LDB3: variants seen among roughly 807,000 people sequenced by gnomAD.
The protein encoded by LDB3 is LIM domain binding 3.
Under a neutral mutation model 69.0 loss-of-function variants are expected in LDB3, and 49 were observed. That is an observed-to-expected ratio of 0.71 (90% CI 0.56 to 0.90). The LOEUF (loss-of-function observed/expected upper bound fraction) is 0.90, where lower values mean the gene tolerates loss of function less well. Among genes scored for constraint, LDB3 ranks in the 40% least tolerant of loss-of-function variants. The probability of loss-of-function intolerance (pLI) is 0.00; values close to 1 mark genes in which losing one functional copy is unlikely to be tolerated. For missense variants in LDB3, 928 were observed against 974.1 expected (o/e 0.95, Z 0.63); for synonymous variants, 387 against 396.2 (o/e 0.98, Z 0.28).
At chr10:86,711,251 C>A (rs1428374552) in intron 9 of LDB3, among the ~76,000 whole-genome samples, 1 of 152,134 alleles carries the variant, frequency 6.6e-6, no homozygotes, top group Non-Finnish European at 1.5e-5. Context: ...CGGCTGTCTT[C>A]GCCCAGCCCG....
intron 8 of LDB3, among the ~76,000 whole-genome samples, chr10:86,708,606 C>T (rs531937532): frequency 1.3e-5 from 2 of 152,286 alleles, no homozygotes; most frequent in South Asian, 4.1e-4. Flanking sequence ...CATGGAGACC[C>T]CTACTCTGCT....
chr10:86,686,806 C>A (rs1446774168), intron 5 of LDB3, among the ~76,000 whole-genome samples: 42 of 133,134 alleles, frequency 3.2e-4, no homozygotes, highest in East Asian at 4.4e-4. Context: ...GACCCTGTAT[C>A]AAAAAAAAAA....
At chr10:86,671,614 C>T (rs1193500871) in intron 2 of LDB3, among the ~76,000 whole-genome samples, 1 of 152,190 alleles carries the variant, frequency 6.6e-6, no homozygotes, top group Non-Finnish European at 1.5e-5. Context: ...GAAGGGGGAG[C>T]AGCCCAGAGA....
intron 8 of LDB3, among the ~76,000 whole-genome samples, chr10:86,708,538 G>C (rs887840899): frequency 3.3e-5 from 5 of 152,116 alleles, no homozygotes; most frequent in African/African-American, 1.2e-4. Context: ...ACTGCACCTT[G>C]GCCCGCCCCC....
intron 5 of LDB3, among the ~76,000 whole-genome samples, chr10:86,685,320 A>T (rs1589631123): frequency 6.6e-6 from 1 of 152,008 alleles, no homozygotes; most frequent in Non-Finnish European, 1.5e-5. Flanking sequence ...TCCTGTCTCC[A>T]CCCCTAGCTT....
chr10:86,707,378 G>GA (rs780373949), intron 8 of LDB3, among the ~76,000 whole-genome samples: 10 of 151,968 alleles, frequency 6.6e-5, no homozygotes, highest in Non-Finnish European at 1.5e-4. Flanking sequence ...AATTATGATA[G>GA]AAAAAATGTC....
intron 12 of LDB3, among the ~76,000 whole-genome samples, chr10:86,725,776 T>C (rs1286614933): frequency 6.6e-6 from 1 of 152,186 alleles, no homozygotes; most frequent in African/African-American, 2.4e-5. Flanking sequence ...TCTTCCAAAC[T>C]AAGCATAGAT....
Position 86,735,052 on chromosome 10 carries a change from T to TACACACACAC in LDB3, c.*2115_*2124dup, listed in dbSNP as rs56209295. On this transcript the variant is annotated 3_prime_UTR_variant, in exon 14 of 14. Transcript: ENST00000361373. The stretch of plus-strand genomic sequence containing the variant: ...TTCCAAAATCTCTTTTTAAAGGGTT[T>TACACACACAC]ACACACACACACACACACACACACA... 10 of 112,392 alleles carry TACACACACAC rather than the reference T, an allele frequency of 8.9e-5. No homozygotes were observed. The highest frequency in any genetic ancestry group is 2.5e-4 in the East Asian group (1 of 4,032). The allele number at this position is 112,392 out of a possible 1,614,324, so 7.0% of individuals were successfully genotyped here. A position where few individuals can be genotyped will look rare whatever the true frequency, so the allele number is the denominator to read the frequency against.
rs180840025 is a variant in LDB3, at chr10:86,704,558, C to T, written c.897-1973C>T. Reference sequence around the variant, plus strand: ...CCGAGTAGCTGGGATTACAGGCATGCGCCACCACGCCCAGCTAAATTTTTT... The same window carrying T: ...CCGAGTAGCTGGGATTACAGGCATGTGCCACCACGCCCAGCTAAATTTTTT... On this transcript the variant is annotated intron_variant, in intron 7 of 13. Coordinates refer to ENST00000361373, the MANE Select transcript of LDB3 (RefSeq NM_007078.3). Among the ~76,000 whole-genome samples the T allele has an allele frequency of 2.0e-3, 295 of 149,608 alleles. 2 individuals carry two copies. Among genetic ancestry groups the T allele is most frequent in the Middle Eastern group, 7.0e-3 (2 of 284 alleles).
At chr10:86,704,724 A>G (rs1342475740) in intron 7 of LDB3, among the ~76,000 whole-genome samples, 2 of 152,010 alleles carry the variant, frequency 1.3e-5, no homozygotes, top group Non-Finnish European at 2.9e-5. Flanking sequence ...GACTACAGGC[A>G]CCCACCACCA....
intron 10 of LDB3, among the ~76,000 whole-genome samples, chr10:86,717,093 A>G (rs6586026): frequency 0.32 from 48,714 of 152,072 alleles, 9,114 homozygotes; most frequent in East Asian, 0.66. Context: ...GTAGGTTTAC[A>G]GGGCATTTTG....
At chr10:86,689,906 G>C (rs1381752692) in intron 5 of LDB3, among the ~76,000 whole-genome samples, 3 of 152,246 alleles carry the variant, frequency 2.0e-5, no homozygotes, top group African/African-American at 7.2e-5. Context: ...AAGGACTGCA[G>C]GACCTGTTCC....
intron 2 of LDB3, among the ~76,000 whole-genome samples, chr10:86,674,265 C>A (rs929963692): frequency 6.6e-6 from 1 of 152,230 alleles, no homozygotes; most frequent in Non-Finnish European, 1.5e-5. Flanking sequence ...TCACAACAAT[C>A]CCGAGAAAGG....
intron 2 of LDB3, among the ~76,000 whole-genome samples, chr10:86,672,238 G>C (rs999829522): frequency 6.6e-6 from 1 of 152,218 alleles, no homozygotes; most frequent in Non-Finnish European, 1.5e-5. Flanking sequence ...TGGTGGAGTC[G>C]GGGGCTGAGC....
chr10:86,717,403 AT>A (rs1312973179), intron 10 of LDB3, among the ~76,000 whole-genome samples: 1 of 152,216 alleles, frequency 6.6e-6, no homozygotes, highest in Non-Finnish European at 1.5e-5. Flanking sequence ...ATATAAAAAA[AT>A]GTCTTCATAG....
Position 86,726,254 on chromosome 10 carries a change from T to C in LDB3, c.2094+2T>C. On this transcript the variant is annotated splice_donor_variant, in intron 13 of 13. Transcript: ENST00000361373. LOFTEE classifies it high-confidence loss of function. ...CACGACACCTGCTTCATTTGCGCAG[T>C]ATGTCTCTAGCTTGGGGCTCTGGCT... 1 of 1,612,632 alleles carries C rather than the reference T, an allele frequency of 6.2e-7. No homozygotes were observed. The highest frequency in any genetic ancestry group is 1.1e-5 in the South Asian group (1 of 91,042).
intron 2 of LDB3, among the ~76,000 whole-genome samples, chr10:86,676,675 C>T (rs1844812999): frequency 6.6e-6 from 1 of 152,122 alleles, no homozygotes; most frequent in Non-Finnish European, 1.5e-5. Flanking sequence ...TTGCCGTCAT[C>T]ACCCACGTGG....
chr10:86,710,278 G>C, intron 9 of LDB3: 5 of 984,784 alleles, frequency 5.1e-6, no homozygotes, highest in Non-Finnish European at 6.0e-6. Flanking sequence ...TTCTAAGGGA[G>C]AGCGAAGGAG....
At chr10:86,732,107 A>G (rs1196507995) in intron 13 of LDB3, among the ~76,000 whole-genome samples, 2 of 150,976 alleles carry the variant, frequency 1.3e-5, no homozygotes, top group East Asian at 3.9e-4. Context: ...GGCCTTCCAA[A>G]GTGTAGGGAT....
Sources: gnomAD v4.1 joint callset for allele counts (sites outside exome capture counted in the v4.1 genomes callset) on GRCh38, gnomAD v4.1.1 for gene constraint, MANE v1.5 for transcripts, NCBI Gene and HGNC (gene_info 2026-07-23, HGNC 2026-07-21) for gene names.